The following EXOC4 variants were observed in gnomAD, a reference collection of about 807,000 sequenced individuals.
The protein encoded by EXOC4 is exocyst complex component 4.
In EXOC4, 71 loss-of-function variants were observed where a neutral mutation model predicts 107.2. The observed-to-expected ratio is 0.66, with a 90% CI of 0.55 to 0.81. The LOEUF (loss-of-function observed/expected upper bound fraction) is 0.81. Among genes scored for constraint, EXOC4 ranks in the 30% least tolerant of loss-of-function variants. EXOC4 has a pLI of 0.00. For missense variants in EXOC4, 1,108 were observed against 1,189.6 expected (o/e 0.93, Z 1.01); for synonymous variants, 456 against 441.2 (o/e 1.03, Z -0.42).
chr7:133,917,729 A>G lies in EXOC4; in HGVS notation c.2018A>G (p.Asp673Gly). The change falls in exon 13 of 18, where the codon GAT (aspartate) becomes GGT (glycine). Residue 673 changes from aspartate (D) to glycine (G), a missense_variant. Transcript: ENST00000253861. ...AGGCCAAAAAGAGAGGAGGAAGAAG[A>G]TTTCATAAGGTAAAAGGTCCATTTT... ...QLRPKREEEE[D>G]FIRAAFGKES... is the part of the protein sequence containing the mutation. 2 of 1,613,996 alleles carry G rather than the reference A, an allele frequency of 1.2e-6. No individual in the cohort carries two copies. Among genetic ancestry groups the G allele is most frequent in the Non-Finnish European group, 1.7e-6 (2 of 1,179,942 alleles).
intron 5 of EXOC4, among the ~76,000 whole-genome samples, chr7:133,334,077 T>A (rs1442287702): frequency 1.3e-5 from 2 of 152,230 alleles, no homozygotes; most frequent in African/African-American, 4.8e-5. Flanking sequence ...ACTTTTAGGT[T>A]CATTTGTTAC....
At chr7:133,926,543 A>C (rs2116678163) in intron 13 of EXOC4, among the ~76,000 whole-genome samples, 1 of 152,342 alleles carries the variant, frequency 6.6e-6, no homozygotes, top group South Asian at 2.1e-4. Flanking sequence ...TAAACAGAAT[A>C]TCCAGCTATA....
rs150143887 is a variant in EXOC4 at position 133,922,940 on chromosome 7, C to A, written c.2027+5202C>A. 2.4e-3 allele frequency among the ~76,000 whole-genome samples: 363 copies of A among 150,432 alleles called. 5 individuals are homozygous for A. Among genetic ancestry groups the A allele is most frequent in the African/African-American group, 8.2e-3 (339 of 41,138 alleles). ...GTGTATTCATACATTCATCATTCTGCTGGGCTCTTGGAACTATTTCACATA... is the reference window on the plus strand; with the variant it reads ...GTGTATTCATACATTCATCATTCTGATGGGCTCTTGGAACTATTTCACATA... On this transcript the variant is annotated intron_variant, in intron 13 of 17. Transcript: ENST00000253861.
rs371344480 is a variant in EXOC4 at position 133,671,442 on chromosome 7, CT to C, written c.1514+41302del. 1.4e-4 allele frequency among the ~76,000 whole-genome samples: 21 copies of C among 152,192 alleles called. No homozygotes were observed. In the East Asian group the frequency reaches 4.1e-3, roughly 29 times the overall value. The stretch of plus-strand genomic sequence containing the variant: ...TAGCTGGGCGTGTGTTGGTGGGTGC[CT>C]GTAATCCCAGTTACTCAGGAGACTG... On this transcript the variant is annotated intron_variant, in intron 10 of 17. Transcript: ENST00000253861.
At chr7:133,457,569 T>C (rs1798492589) in intron 7 of EXOC4, among the ~76,000 whole-genome samples, 1 of 152,164 alleles carries the variant, frequency 6.6e-6, no homozygotes, top group Admixed American at 6.5e-5. Flanking sequence ...ACTTGTTGGA[T>C]TGAATCAGAT....
intron 7 of EXOC4, among the ~76,000 whole-genome samples, chr7:133,401,445 G>C (rs1797086906): frequency 6.6e-6 from 1 of 151,838 alleles, no homozygotes; most frequent in South Asian, 2.1e-4. Context: ...GGAGGATCAT[G>C]AGCTCAGGAA....
At chr7:134,032,939 G>A (rs1161080656) in intron 17 of EXOC4, among the ~76,000 whole-genome samples, 1 of 152,192 alleles carries the variant, frequency 6.6e-6, no homozygotes, top group Non-Finnish European at 1.5e-5. Flanking sequence ...TAAGGTTTAG[G>A]TAATGTGTAG....
At chr7:134,014,107 CA>C (rs958795615) in intron 17 of EXOC4, among the ~76,000 whole-genome samples, 3 of 152,196 alleles carry the variant, frequency 2.0e-5, no homozygotes, top group African/African-American at 7.2e-5. Context: ...GTATAATAGC[CA>C]AAAAGTATAA....
chr7:133,734,914 A>G (rs984010838), intron 10 of EXOC4, among the ~76,000 whole-genome samples: 6 of 151,794 alleles, frequency 4.0e-5, no homozygotes, highest in Non-Finnish European at 7.4e-5. Context: ...TTGTCTGTAT[A>G]TCGTAAATGT....
chr7:133,730,700 C>T lies in EXOC4; in HGVS notation c.1515-86625C>T, dbSNP rs558961204. Among the ~76,000 whole-genome samples the T allele has an allele frequency of 5.3e-5, 8 of 152,252 alleles. No individual in the cohort carries two copies. The South Asian group carries it at 1.7e-3, about 32-fold the overall frequency. Reference sequence around the variant, plus strand: ...AAAGTGTAAGATGAATCTCTGTCCTCATGGAGCTTACAATCCAAAGCATAT... The same window carrying T: ...AAAGTGTAAGATGAATCTCTGTCCTTATGGAGCTTACAATCCAAAGCATAT... On this transcript the variant is annotated intron_variant, in intron 10 of 17. Coordinates refer to ENST00000253861, the MANE Select transcript of EXOC4 (RefSeq NM_021807.4).
intron 14 of EXOC4, among the ~76,000 whole-genome samples, chr7:133,993,881 G>T (rs1004844060): frequency 3.3e-5 from 5 of 152,250 alleles, no homozygotes; most frequent in East Asian, 1.9e-4. Flanking sequence ...CTACTTAGGG[G>T]GTCAGTGGAC....
At chr7:133,796,352 A>G (rs1796814253) in intron 10 of EXOC4, among the ~76,000 whole-genome samples, 1 of 152,266 alleles carries the variant, frequency 6.6e-6, no homozygotes. Context: ...AAATAGGGCC[A>G]GAGAACCACT....
intron 9 of EXOC4, among the ~76,000 whole-genome samples, chr7:133,559,916 A>G (rs1170903589): frequency 1.3e-5 from 2 of 152,200 alleles, no homozygotes; most frequent in Admixed American, 6.5e-5. Context: ...AAACATAGCC[A>G]GCCCTGACCA....
At chr7:133,510,965 A>G (rs1326758542) in intron 9 of EXOC4, among the ~76,000 whole-genome samples, 2 of 152,214 alleles carry the variant, frequency 1.3e-5, no homozygotes, top group African/African-American at 2.4e-5. Flanking sequence ...TTATTTATAA[A>G]AGAAGGAAAA....
intron 5 of EXOC4, among the ~76,000 whole-genome samples, chr7:133,346,142 A>G (rs1795779198): frequency 6.6e-6 from 1 of 152,222 alleles, no homozygotes; most frequent in Admixed American, 6.5e-5. Flanking sequence ...CTACACAGAG[A>G]TAAGACATGA....
At chr7:133,450,199 G>T (rs999067912) in intron 7 of EXOC4, among the ~76,000 whole-genome samples, 2 of 151,970 alleles carry the variant, frequency 1.3e-5, no homozygotes. Flanking sequence ...TTGAGACAGA[G>T]TCTTGCCCTG....
chr7:133,368,403 C>T (rs1796292506), intron 6 of EXOC4, among the ~76,000 whole-genome samples: 1 of 152,148 alleles, frequency 6.6e-6, no homozygotes, highest in Non-Finnish European at 1.5e-5. Context: ...ACTAATCAAG[C>T]TGTAAGAAGG....
At chr7:133,282,704 A>G (rs1340535472) in intron 2 of EXOC4, among the ~76,000 whole-genome samples, 3 of 152,188 alleles carry the variant, frequency 2.0e-5, no homozygotes, top group Non-Finnish European at 4.4e-5. Flanking sequence ...ATGTTTTGAA[A>G]TATGTATACA....
intron 11 of EXOC4, among the ~76,000 whole-genome samples, chr7:133,825,299 A>G (rs570169322): frequency 1.3e-5 from 2 of 152,126 alleles, no homozygotes; most frequent in Non-Finnish European, 2.9e-5. Flanking sequence ...CAGGAGTTTC[A>G]GGTTGCAGTG....
Sources: gnomAD v4.1 joint callset for allele counts (sites outside exome capture counted in the v4.1 genomes callset) on GRCh38, gnomAD v4.1.1 for gene constraint, MANE v1.5 for transcripts, NCBI Gene and HGNC (gene_info 2026-07-23, HGNC 2026-07-21) for gene names.